Variants in NHEJ1 observed in about 807,000 individuals in gnomAD.
NHEJ1 encodes the protein non-homologous end joining factor 1, also known as non-homologous end-joining factor 1.
Under a neutral mutation model 39.4 loss-of-function variants are expected in NHEJ1, and 22 were observed. The ratio of observed to expected loss-of-function variants is 0.56; its 90% CI spans 0.40 to 0.80. The LOEUF (loss-of-function observed/expected upper bound fraction) is 0.80, where lower values mean the gene tolerates loss of function less well. Ranked by LOEUF, NHEJ1 falls within the 30% of genes least tolerant of loss-of-function variation. The pLI is 0.00. For missense variants in NHEJ1, 329 were observed against 357.1 expected (o/e 0.92, Z 0.63); for synonymous variants, 154 against 135.6 (o/e 1.14, Z -0.94).
At chr2:219,157,707 G>C in intron 2 of NHEJ1, 23 bp from the exon 3 acceptor site, 1 of 1,593,044 alleles carries the variant, frequency 6.3e-7, no homozygotes, top group Non-Finnish European at 8.6e-7. Flanking sequence ...CAGTGGTACA[G>C]AGTAAGGGTG....
At position 219,070,526 on chromosome 2, in the gene NHEJ1, A is replaced by T. The variant is rs933598498; in HGVS notation, c.*5855T>A. Among the ~76,000 whole-genome samples the T allele has an allele frequency of 1.3e-5, 2 of 151,982 alleles. No homozygotes were observed. Among genetic ancestry groups the T allele is most frequent in the Admixed American group, 6.5e-5 (1 of 15,284 alleles). Reference sequence around the variant, plus strand: ...AATTTTAAAAATGTTTTGCAAAGACAGGGTTTCGCCATGTTGCCTAGGCTG... The same window carrying T: ...AATTTTAAAAATGTTTTGCAAAGACTGGGTTTCGCCATGTTGCCTAGGCTG... On this transcript the variant is annotated 3_prime_UTR_variant, in exon 8 of 8. Coordinates refer to ENST00000356853, the MANE Select transcript of NHEJ1 (RefSeq NM_024782.3).
chr2:219,145,612 C>G (rs1456500613), intron 5 of NHEJ1, among the ~76,000 whole-genome samples: 2 of 152,068 alleles, frequency 1.3e-5, no homozygotes, highest in African/African-American at 4.8e-5. Context: ...TGATAAAGTA[C>G]CAACTTGGGT....
At chr2:219,135,555 G>A (rs887038847) in intron 5 of NHEJ1, among the ~76,000 whole-genome samples, 1 of 152,224 alleles carries the variant, frequency 6.6e-6, no homozygotes, top group African/African-American at 2.4e-5. Context: ...GTTGCAGTGA[G>A]CCGAGATCAC....
At chr2:219,101,465 C>T (rs555262652) in intron 5 of NHEJ1, among the ~76,000 whole-genome samples, 2 of 151,972 alleles carry the variant, frequency 1.3e-5, no homozygotes, top group South Asian at 4.2e-4. Flanking sequence ...GGCTGAAATG[C>T]AGTGGTGGGA....
At chr2:219,120,529 C>T (rs1949461584) in intron 5 of NHEJ1, among the ~76,000 whole-genome samples, 1 of 151,950 alleles carries the variant, frequency 6.6e-6, no homozygotes, top group Admixed American at 6.6e-5. Context: ...ATGTTTTTTC[C>T]CTAAACCCCA....
At chr2:219,103,626 A>G (rs1418390613) in intron 5 of NHEJ1, among the ~76,000 whole-genome samples, 6 of 152,236 alleles carry the variant, frequency 3.9e-5, no homozygotes, top group Non-Finnish European at 8.8e-5. Flanking sequence ...AAACCTAAGA[A>G]TAACAACATT....
intron 5 of NHEJ1, among the ~76,000 whole-genome samples, chr2:219,115,180 GAAGA>G (rs1269780136): frequency 6.6e-6 from 1 of 151,580 alleles, no homozygotes; most frequent in Non-Finnish European, 1.5e-5. Context: ...AGAAGAAGAA[GAAGA>G]AAGGGGGCAG....
chr2:219,118,469 G>A (rs749889826), intron 5 of NHEJ1, among the ~76,000 whole-genome samples: 2 of 152,106 alleles, frequency 1.3e-5, no homozygotes, highest in African/African-American at 2.4e-5. Flanking sequence ...GGTAGGCAGT[G>A]GGAAGATGGA....
chr2:219,147,630 C>A, intron 4 of NHEJ1, 27 bp downstream of exon 4: 1 of 1,614,066 alleles, frequency 6.2e-7, no homozygotes, highest in Non-Finnish European at 8.5e-7. Context: ...CACGCCCCAC[C>A]CAACTCCTCC....
intron 3 of NHEJ1, among the ~76,000 whole-genome samples, chr2:219,154,028 A>C (rs1423492202): frequency 1.3e-4 from 20 of 152,258 alleles, no homozygotes; most frequent in Admixed American, 1.3e-3. Flanking sequence ...TGTATACAAC[A>C]ACAAAAGACT....
At chr2:219,152,905 C>T (rs1465024179) in intron 3 of NHEJ1, among the ~76,000 whole-genome samples, 2 of 151,998 alleles carry the variant, frequency 1.3e-5, no homozygotes, top group Admixed American at 1.3e-4. Context: ...CGGGTTCAAG[C>T]AATTCTCTTA....
rs1171717619 is a variant in NHEJ1 at position 219,073,209 on chromosome 2, G to A, written c.*3172C>T. 6.6e-6 allele frequency among the ~76,000 whole-genome samples: 1 copy of A among 152,158 alleles called. No homozygotes were observed. Among genetic ancestry groups the A allele is most frequent in the East Asian group, 1.9e-4 (1 of 5,186 alleles). ...ACTCTTTCCAGTTCAGAGCATAGAAGCACAGATCTCACTCTTCGCCACCTT... is the reference window on the plus strand; with the variant it reads ...ACTCTTTCCAGTTCAGAGCATAGAAACACAGATCTCACTCTTCGCCACCTT... On this transcript the variant is annotated 3_prime_UTR_variant, in exon 8 of 8. Coordinates refer to ENST00000356853, the MANE Select transcript of NHEJ1 (RefSeq NM_024782.3).
intron 5 of NHEJ1, among the ~76,000 whole-genome samples, chr2:219,103,151 T>G (rs937270593): frequency 5.3e-5 from 8 of 149,658 alleles, no homozygotes; most frequent in Non-Finnish European, 1.0e-4. Flanking sequence ...ATTGCACTCT[T>G]TATAAAAAAA....
In NHEJ1 at chr2:219,146,777, T is replaced by C. The variant is rs548910731; in HGVS notation, c.530-39A>G. 15 of 1,478,434 alleles carry C rather than the reference T, an allele frequency of 1.0e-5. No homozygotes were observed. In the South Asian group the frequency reaches 1.2e-4, roughly 12 times the overall value. The allele number at this position is 1,478,434 out of a possible 1,614,324, so 91.6% of individuals were successfully genotyped here. On this transcript the variant is annotated intron_variant, in intron 4 of 7. Transcript: ENST00000356853. The stretch of plus-strand genomic sequence containing the variant: ...GATCAGAAAAAAGAAATATGAGTCA[T>C]ACAGGATGAGTTTCTTACCTGATGG...
chr2:219,101,517 C>T (rs1949260540), intron 5 of NHEJ1, among the ~76,000 whole-genome samples: 1 of 152,002 alleles, frequency 6.6e-6, no homozygotes, highest in African/African-American at 2.4e-5. Flanking sequence ...CTCAAGCAAT[C>T]CTCCCATCTC....
intron 5 of NHEJ1, among the ~76,000 whole-genome samples, chr2:219,133,618 T>C (rs1302849642): frequency 6.6e-6 from 1 of 152,242 alleles, no homozygotes; most frequent in Admixed American, 6.5e-5. Context: ...GAAAATAATA[T>C]AGCTTGTGCT....
intron 3 of NHEJ1, among the ~76,000 whole-genome samples, chr2:219,155,593 G>A (rs1369219478): frequency 6.6e-6 from 1 of 152,124 alleles, no homozygotes; most frequent in Non-Finnish European, 1.5e-5. Flanking sequence ...AATTCTCTCA[G>A]CACTCAGTTC....
At chr2:219,079,640 AGAGT>A (rs1221183275) in intron 5 of NHEJ1, among the ~76,000 whole-genome samples, 1 of 152,222 alleles carries the variant, frequency 6.6e-6, no homozygotes, top group Non-Finnish European at 1.5e-5. Flanking sequence ...TAATCACACT[AGAGT>A]CTAACAGCCC....
At chr2:219,158,607 G>C (rs970062204) in intron 1 of NHEJ1, among the ~76,000 whole-genome samples, 1 of 151,960 alleles carries the variant, frequency 6.6e-6, no homozygotes, top group Non-Finnish European at 1.5e-5. Flanking sequence ...CTAGAGGACA[G>C]AAAATCTTTC....
Sources: gnomAD v4.1 joint callset for allele counts (sites outside exome capture counted in the v4.1 genomes callset) on GRCh38, gnomAD v4.1.1 for gene constraint, MANE v1.5 for transcripts, NCBI Gene and HGNC (gene_info 2026-07-23, HGNC 2026-07-21) for gene names.